PWWP2A: variants seen among roughly 807,000 people sequenced by gnomAD.
PWWP2A encodes PWWP domain containing 2A.
In PWWP2A, 18 loss-of-function variants were observed where a neutral mutation model predicts 48.5. The observed-to-expected ratio is 0.37, with a 90% CI of 0.26 to 0.55. The LOEUF (loss-of-function observed/expected upper bound fraction) is 0.55. PWWP2A is among the 20% of genes least tolerant of loss of function. PWWP2A has a pLI of 0.81. For synonymous variants in PWWP2A, 396 were observed against 387.7 expected, an observed-to-expected ratio of 1.02 and a Z score of -0.25; for missense variants, 867 against 976.4, an observed-to-expected ratio of 0.89 and a Z score of 1.49.
At chr5:160,055,217 T>TC in the PWWP2A span, among the ~76,000 whole-genome samples, 640 of 152,344 alleles carry the variant, frequency 4.2e-3, 2 homozygotes, top group African/African-American at 0.013. Flanking sequence ...AGCCAAGAAG[T>TC]CTTTCAAGCA....
chr5:160,078,784 T>C lies in PWWP2A; in HGVS notation c.1670-616A>G, dbSNP rs1179393087. On this transcript the variant is annotated intron_variant, in intron 3 of 3. Transcript: ENST00000456329. This position sits in a 1 kb window ranked among gnomAD's most constrained non-coding sequence, Gnocchi z 4.2. Reference sequence around the variant, plus strand: ...CATTTTGATACTAGAAGACAACACATGTACACTGGTTAGACGGACCAGTAT... The same window carrying C: ...CATTTTGATACTAGAAGACAACACACGTACACTGGTTAGACGGACCAGTAT... Among the ~76,000 whole-genome samples, 1 of 152,136 alleles carries C rather than the reference T, an allele frequency of 6.6e-6. No homozygotes were observed. The highest frequency in any genetic ancestry group is 6.5e-5 in the Admixed American group (1 of 15,270).
At chr5:160,102,259 T>C (rs986568322) in intron 1 of PWWP2A, among the ~76,000 whole-genome samples, 3 of 146,776 alleles carry the variant, frequency 2.0e-5, no homozygotes, top group African/African-American at 7.6e-5. Context: ...ATACAAAAAA[T>C]TACCCAGGGG....
the PWWP2A span, chr5:160,051,089 T>G: frequency 1.1e-4 from 177 of 1,541,522 alleles, no homozygotes; most frequent in Non-Finnish European, 1.5e-4. Context: ...TTGGTTTTTT[T>G]TTTTTTTTTA....
At chr5:160,080,847 T>C in intron 2 of PWWP2A, 1 of 1,364,350 alleles carries the variant, frequency 7.3e-7, no homozygotes, top group Non-Finnish European at 9.8e-7. Context: ...AAAAAAATAG[T>C]TTTAAAATAA....
intron 1 of PWWP2A, among the ~76,000 whole-genome samples, chr5:160,106,223 G>A (rs948168767): frequency 2.0e-5 from 3 of 152,116 alleles, no homozygotes; most frequent in South Asian, 4.1e-4. Context: ...TTCAAACCCC[G>A]GAAAATTTTG....
At chr5:160,069,136 C>T (rs1179734015) in intron 2 of PWWP2A, among the ~76,000 whole-genome samples, 2 of 151,860 alleles carry the variant, frequency 1.3e-5, no homozygotes, top group African/African-American at 4.8e-5. Context: ...CTACAAAAAA[C>T]TACTTGGGTG....
chr5:160,064,925 A>G, intron 4 of PWWP2A: 9 of 1,605,044 alleles, frequency 5.6e-6, no homozygotes, highest in Non-Finnish European at 7.6e-6. Flanking sequence ...TTGCTTTTAC[A>G]TTACAGGTAA....
chr5:160,045,397 T>C, the PWWP2A span, among the ~76,000 whole-genome samples: 1 of 149,986 alleles, frequency 6.7e-6, no homozygotes, highest in African/African-American at 2.5e-5. Context: ...CATAGGCAAA[T>C]TACATTTATA....
rs1758498108 is a variant in PWWP2A at position 160,119,423 on chromosome 5, T to TGCA, written c.-38_-36dup. On this transcript the variant is annotated 5_prime_UTR_variant, in exon 1 of 2. Transcript: ENST00000307063. ...AGCTTCTCCCTCCTCCAACTCCGGCTGCAGCGGCGGCGGCGACAGCGCTGC... is the reference window on the plus strand; with the variant it reads ...AGCTTCTCCCTCCTCCAACTCCGGCTGCAGCAGCGGCGGCGGCGACAGCGCTGC... 7.4e-7 allele frequency: 1 copy of TGCA among 1,349,256 alleles called. No individual in the cohort carries two copies. 83.6% of individuals were successfully genotyped at this position (1,349,256 alleles called of 1,614,324 possible). A position where few individuals can be genotyped will look rare whatever the true frequency, so the allele number is the denominator to read the frequency against.
At chr5:160,116,369 T>C (rs907700100) in intron 1 of PWWP2A, among the ~76,000 whole-genome samples, 1 of 152,166 alleles carries the variant, frequency 6.6e-6, no homozygotes, top group African/African-American at 2.4e-5. Context: ...GGCAAGAGAA[T>C]TGCTTCAGCC....
Position 160,077,771 on chromosome 5 carries a change from T to A in PWWP2A, c.*384A>T. 1 of 182,364 alleles carries A rather than the reference T, an allele frequency of 5.5e-6. No individual in the cohort carries two copies. Among genetic ancestry groups the A allele is most frequent in the East Asian group, 1.4e-4 (1 of 7,282 alleles). The allele number at this position is 182,364 out of a possible 1,614,324, so 11.3% of individuals were successfully genotyped here. A position where few individuals can be genotyped will look rare whatever the true frequency, so the allele number is the denominator to read the frequency against. Reference sequence around the variant, plus strand: ...AAGCACAAAGTTTAAGTATGAAAAATAATTCAGCATTTCTGCATCATCCCA... The same window carrying A: ...AAGCACAAAGTTTAAGTATGAAAAAAAATTCAGCATTTCTGCATCATCCCA... On this transcript the variant is annotated 3_prime_UTR_variant, in exon 4 of 4. Transcript: ENST00000456329. This position sits in a 1 kb window ranked among gnomAD's most constrained non-coding sequence, Gnocchi z 4.2.
downstream of PWWP2A, chr5:160,091,105 G>A (rs1755020750): frequency 4.1e-6 from 4 of 983,792 alleles, no homozygotes; most frequent in East Asian, 1.1e-4. Context: ...GGCAGGAAGG[G>A]GATATCAAAT....
At chr5:160,053,246 TC>T in the PWWP2A span, among the ~76,000 whole-genome samples, 1 of 152,196 alleles carries the variant, frequency 6.6e-6, no homozygotes, top group South Asian at 2.1e-4. Flanking sequence ...TTATGCTAGT[TC>T]CTGTTAAAAT....
chr5:160,080,406 C>T (rs1754145218), intron 3 of PWWP2A, among the ~76,000 whole-genome samples: 1 of 152,192 alleles, frequency 6.6e-6, no homozygotes, highest in Non-Finnish European at 1.5e-5. Context: ...AGAGAATCTG[C>T]TCTCAATTCA....
rs1202102631 is a variant in PWWP2A at position 160,078,983 on chromosome 5, G to C, written c.1670-815C>G. 6.6e-6 allele frequency among the ~76,000 whole-genome samples: 1 copy of C among 152,138 alleles called. No homozygotes were observed. Among genetic ancestry groups the C allele is most frequent in the East Asian group, 1.9e-4 (1 of 5,192 alleles). Reference sequence around the variant, plus strand: ...AACCTCCGTCTAATACTACGAAGTAGAAAGAAGCCCACTGAAACCCTCTAC... The same window carrying C: ...AACCTCCGTCTAATACTACGAAGTACAAAGAAGCCCACTGAAACCCTCTAC... On this transcript the variant is annotated intron_variant, in intron 3 of 3. Coordinates refer to the PWWP2A transcript ENST00000456329. The surrounding 1 kb of genome is among the most constrained non-coding windows in gnomAD (Gnocchi z 4.2).
Position 160,065,055 on chromosome 5 carries a change from A to G in PWWP2A, c.*237-1382T>C, listed in dbSNP as rs553283797. 4.0e-5 allele frequency: 65 copies of G among 1,610,102 alleles called. No homozygotes were observed. The Middle Eastern group carries it at 6.6e-4, about 16-fold the overall frequency. On this transcript the variant is annotated intron_variant and NMD_transcript_variant, in intron 4 of 5. Coordinates refer to the PWWP2A transcript ENST00000524050. The stretch of plus-strand genomic sequence containing the variant: ...ATCAATTTCGTTCAAAATCCAAATA[A>G]TAACAGATAACAAAGATAACAAAAG...
chr5:160,107,757 G>A (rs1757044885), intron 1 of PWWP2A, among the ~76,000 whole-genome samples: 1 of 151,980 alleles, frequency 6.6e-6, no homozygotes. Context: ...GGTGGCTCAT[G>A]CCTGTAATCC....
chr5:160,048,349 G>A, the PWWP2A span, among the ~76,000 whole-genome samples: 1 of 151,742 alleles, frequency 6.6e-6, no homozygotes, highest in Non-Finnish European at 1.5e-5. Context: ...ATGGGGTTTC[G>A]CCATGTTGGC....
downstream of PWWP2A, among the ~76,000 whole-genome samples, chr5:160,073,677 CTT>C (rs2113446947): frequency 6.6e-6 from 1 of 152,282 alleles, no homozygotes; most frequent in South Asian, 2.1e-4. Context: ...CCAGCTCTCT[CTT>C]CTTCTGGCAC....
Sources: allele counts gnomAD v4.1 joint callset (sites outside exome capture counted in the v4.1 genomes callset), GRCh38; gene constraint gnomAD v4.1.1; non-coding constraint Gnocchi (gnomAD v3.1); transcripts MANE v1.5; gene names NCBI Gene and HGNC (gene_info 2026-07-23, HGNC 2026-07-21).